Variants in ICA1 observed in about 807,000 individuals in gnomAD.
ICA1 encodes islet cell autoantigen 1.
In ICA1, 40 loss-of-function variants were observed where a neutral mutation model predicts 71.0. The observed-to-expected ratio is 0.56, with a 90% CI of 0.44 to 0.73. ICA1 has a LOEUF of 0.73. Among genes scored for constraint, ICA1 ranks in the 30% least tolerant of loss-of-function variants. ICA1 has a pLI of 0.00. For synonymous variants in ICA1, 207 were observed against 209.5 expected (o/e 0.99, Z 0.10); for missense variants, 578 against 576.5 (o/e 1.00, Z -0.03).
At chr7:8,255,287 T>C (rs1041737965) in intron 1 of ICA1, among the ~76,000 whole-genome samples, 2 of 152,334 alleles carry the variant, frequency 1.3e-5, no homozygotes, top group South Asian at 2.1e-4. Context: ...CATCTTTCAC[T>C]ATGGGCCCCA....
chr7:8,143,444 C>T (rs945388551), intron 9 of ICA1, among the ~76,000 whole-genome samples: 1 of 152,112 alleles, frequency 6.6e-6, no homozygotes, highest in Non-Finnish European at 1.5e-5. Context: ...TGCATGTATC[C>T]CAGGGCAATT....
In ICA1 at chr7:8,211,084, T is replaced by C. The variant is rs544606688; in HGVS notation, c.579+7221A>G. Among the ~76,000 whole-genome samples, 3 of 152,210 alleles carry C rather than the reference T, an allele frequency of 2.0e-5. No homozygotes were observed. The South Asian group carries it at 6.2e-4, about 32-fold the overall frequency. ...CTGGAGACTCCTGTGTGACAAACTGTCAGACAATCCAGAACGATAAACACC... is the reference window on the plus strand; with the variant it reads ...CTGGAGACTCCTGTGTGACAAACTGCCAGACAATCCAGAACGATAAACACC... On this transcript the variant is annotated intron_variant, in intron 6 of 13. Coordinates refer to ENST00000402384, the MANE Select transcript of ICA1 (RefSeq NM_001136020.3).
chr7:8,152,843 T>C (rs957882773), intron 8 of ICA1, among the ~76,000 whole-genome samples: 708 of 66,678 alleles, frequency 0.011, 1 homozygote, highest in Non-Finnish European at 0.013. Flanking sequence ...CCCCCACCAC[T>C]ACCACCATCA....
chr7:8,175,205 A>G (rs933420623), intron 6 of ICA1, among the ~76,000 whole-genome samples: 1 of 152,166 alleles, frequency 6.6e-6, no homozygotes, highest in Non-Finnish European at 1.5e-5. Context: ...AGCAGGGTAG[A>G]GAGATTTCAG....
intron 1 of ICA1, among the ~76,000 whole-genome samples, chr7:8,260,187 C>T (rs3807808): frequency 0.65 from 99,209 of 151,998 alleles, 33,472 homozygotes; most frequent in African/African-American, 0.83. Flanking sequence ...TATGGCATAA[C>T]TACCAGACCT....
At position 8,150,347 on chromosome 7, in the gene ICA1, T is replaced by C. The variant is rs112062793; in HGVS notation, c.805-6375A>G. Among the ~76,000 whole-genome samples, 317 of 152,330 alleles carry C rather than the reference T, an allele frequency of 2.1e-3. 2 individuals are homozygous for C. The highest frequency in any genetic ancestry group is 7.4e-3 in the African/African-American group (306 of 41,570). On this transcript the variant is annotated intron_variant, in intron 8 of 13. Coordinates refer to ENST00000402384, the MANE Select transcript of ICA1 (RefSeq NM_001136020.3). ...TACCAAACACTCAAAACTTGCTTTC[T>C]TATCAATGACTTTTAAAGTTCTAAA...
intron 1 of ICA1, among the ~76,000 whole-genome samples, chr7:8,238,517 T>C (rs1248930845): frequency 6.6e-6 from 1 of 152,206 alleles, no homozygotes. Flanking sequence ...CAGGAGTTAT[T>C]GCAGGAGTTC....
chr7:8,155,797 C>T (rs1025673393), intron 8 of ICA1, among the ~76,000 whole-genome samples: 2 of 152,106 alleles, frequency 1.3e-5, no homozygotes, highest in Non-Finnish European at 1.5e-5. Flanking sequence ...GGTCAGAATG[C>T]CTGCTTCTGA....
rs528580406 is a variant in ICA1 at position 8,172,080 on chromosome 7, T to A, written c.580-13428A>T. ...CTTGAAAAGAACATATACTGTGATG[T>A]TGAATGGAACATTCTGTAAATGTCA... On this transcript the variant is annotated intron_variant, in intron 6 of 13. Transcript: ENST00000402384. Among the ~76,000 whole-genome samples the A allele has an allele frequency of 2.0e-5, 3 of 152,192 alleles. No homozygotes were observed. In the East Asian group the frequency reaches 5.8e-4, roughly 29 times the overall value.
At chr7:8,190,822 G>A (rs918090529) in intron 6 of ICA1, among the ~76,000 whole-genome samples, 6 of 152,232 alleles carry the variant, frequency 3.9e-5, no homozygotes, top group African/African-American at 1.4e-4. Context: ...ACGGTTACAT[G>A]TGTGATCTCT....
intron 8 of ICA1, among the ~76,000 whole-genome samples, chr7:8,154,359 C>G (rs548496208): frequency 6.6e-6 from 1 of 152,316 alleles, no homozygotes; most frequent in African/African-American, 2.4e-5. Flanking sequence ...ACTTGTCCCT[C>G]CAAACAGGAT....
Position 8,159,128 on chromosome 7 carries a change from C to T in ICA1, c.580-476G>A, listed in dbSNP as rs542305858. ...TGATACAATCCTATTTACTAACCTA[C>T]AGACTTTATTTGGATTTCACCAGTT... On this transcript the variant is annotated intron_variant, in intron 6 of 13. Coordinates refer to ENST00000402384, the MANE Select transcript of ICA1 (RefSeq NM_001136020.3). Among the ~76,000 whole-genome samples the T allele has an allele frequency of 3.3e-5, 5 of 152,326 alleles. No individual in the cohort carries two copies. The South Asian group carries it at 8.3e-4, about 25-fold the overall frequency.
rs138687852 is a variant in ICA1 at position 8,194,722 on chromosome 7, G to A, written c.579+23583C>T. ...CAACCTAAAAGTCTAATGTTAGGGC[G>A]TTTTATATAATAAAATATTGGGCTA... On this transcript the variant is annotated intron_variant, in intron 6 of 13. Transcript: ENST00000402384. Among the ~76,000 whole-genome samples the A allele has an allele frequency of 1.6e-3, 240 of 152,172 alleles. 1 individual carries two copies. The highest frequency in any genetic ancestry group is 5.1e-3 in the African/African-American group (212 of 41,528).
At chr7:8,178,045 T>C (rs1226204750) in intron 6 of ICA1, among the ~76,000 whole-genome samples, 1 of 152,202 alleles carries the variant, frequency 6.6e-6, no homozygotes, top group African/African-American at 2.4e-5. Flanking sequence ...TCTACCTCCA[T>C]CTTTGGCTTC....
chr7:8,143,805 C>T lies in ICA1; in HGVS notation c.902+70G>A, dbSNP rs1352399034. The T allele has an allele frequency of 3.0e-5, 29 of 959,592 alleles. No homozygotes were observed. In the East Asian group the frequency reaches 5.1e-4, roughly 17 times the overall value. The allele number at this position is 959,592 out of a possible 1,614,324, so 59.4% of individuals were successfully genotyped here. On this transcript the variant is annotated intron_variant, in intron 9 of 13. Coordinates refer to ENST00000402384, the MANE Select transcript of ICA1 (RefSeq NM_001136020.3). ...TCTGCGTCTGAGGCCCAGCCAGGTT[C>T]GGTCAGCGAGAACCACATAACTCTC...
At chr7:8,196,636 G>A (rs117521200) in intron 6 of ICA1, among the ~76,000 whole-genome samples, 3,132 of 152,162 alleles carry the variant, frequency 0.021, 60 homozygotes, top group Middle Eastern at 0.044. Flanking sequence ...TGGGAAGCGG[G>A]GAGTGAGTAT....
At chr7:8,146,658 T>C (rs1157004964) in intron 8 of ICA1, among the ~76,000 whole-genome samples, 1 of 151,798 alleles carries the variant, frequency 6.6e-6, no homozygotes, top group African/African-American at 2.4e-5. Context: ...GAATATGGAC[T>C]GCAGCCTGGA....
intron 6 of ICA1, among the ~76,000 whole-genome samples, chr7:8,191,843 G>A (rs189518488): frequency 1.8e-4 from 28 of 151,938 alleles, no homozygotes; most frequent in East Asian, 1.9e-4. Context: ...ATAAAGAAAC[G>A]TATTAAAATT....
chr7:8,256,649 G>T (rs1381321872), intron 1 of ICA1, among the ~76,000 whole-genome samples: 1 of 152,122 alleles, frequency 6.6e-6, no homozygotes. Context: ...AGAGTTAACT[G>T]CTCCATACTG....
Sources: gnomAD v4.1 joint callset for allele counts (sites outside exome capture counted in the v4.1 genomes callset) on GRCh38, gnomAD v4.1.1 for gene constraint, MANE v1.5 for transcripts, NCBI Gene and HGNC (gene_info 2026-07-23, HGNC 2026-07-21) for gene names.